Variants in B3GNT2 observed in about 807,000 individuals in gnomAD.
The protein encoded by B3GNT2 is N-acetyllactosaminide beta-1,3-N-acetylglucosaminyltransferase 2.
B3GNT2 carries 12 observed loss-of-function variants against 27.6 expected under a neutral mutation model. That is an observed-to-expected ratio of 0.44 (90% confidence interval 0.28 to 0.71). B3GNT2 has a LOEUF of 0.71. Among genes scored for constraint, B3GNT2 ranks in the 30% least tolerant of loss-of-function variants. The probability of loss-of-function intolerance (pLI) is 0.17; values close to 1 mark genes in which losing one functional copy is unlikely to be tolerated. For missense variants in B3GNT2, 413 were observed against 488.5 expected (o/e 0.85, Z 1.46); for synonymous variants, 192 against 189.7 (o/e 1.01, Z -0.10).
At chr2:62,204,079 C>T (rs1463103416) in intron 1 of B3GNT2, among the ~76,000 whole-genome samples, 13 of 152,090 alleles carry the variant, frequency 8.5e-5, no homozygotes, top group Admixed American at 6.6e-4. Flanking sequence ...CAGGCCGGAG[C>T]GCAATGGCAT....
At chr2:62,221,843 G>A (rs1674701556) in intron 1 of B3GNT2, 1 of 525,996 alleles carries the variant, frequency 1.9e-6, no homozygotes, top group Admixed American at 1.9e-5. Context: ...AAGCAAGGAA[G>A]TTGAACTCTC....
At chr2:62,203,424 A>G (rs1049548524) in intron 1 of B3GNT2, among the ~76,000 whole-genome samples, 1 of 152,126 alleles carries the variant, frequency 6.6e-6, no homozygotes, top group Non-Finnish European at 1.5e-5. Context: ...AAGACCCAGC[A>G]ATAGACTTGG....
intron 1 of B3GNT2, among the ~76,000 whole-genome samples, chr2:62,213,292 T>G (rs1279752523): frequency 6.6e-6 from 1 of 152,128 alleles, no homozygotes; most frequent in African/African-American, 2.4e-5. Flanking sequence ...GGAGACCCTG[T>G]CTCAAAAACA....
In B3GNT2 at chr2:62,222,640, G is replaced by A; in HGVS notation, c.420G>A (p.Lys140=). The A allele has an allele frequency of 6.2e-7, 1 of 1,614,234 alleles. No individual in the cohort carries two copies. Among genetic ancestry groups the A allele is most frequent in the South Asian group, 1.1e-5 (1 of 91,080 alleles). ...TAGATCAGCCGGATAAGTGTGCAAA[G>A]AAACCTTTCTTGTTGCTGGCGATTA... The part of the protein sequence containing the change: ...LLIDQPDKCA[K]KPFLLLAIKS... The change falls in exon 2 of 2, where the codon AAG becomes AAA. Residue 140 remains lysine, a synonymous_variant. Coordinates refer to ENST00000301998, the MANE Select transcript of B3GNT2 (RefSeq NM_006577.6). This position sits in a 1 kb window ranked among gnomAD's most constrained non-coding sequence, Gnocchi z 4.2.
intron 1 of B3GNT2, among the ~76,000 whole-genome samples, chr2:62,218,797 G>A (rs1484811090): frequency 1.3e-5 from 2 of 152,262 alleles, no homozygotes; most frequent in East Asian, 1.9e-4. Context: ...AATGCCCTGC[G>A]GGCTGGAGGC....
At chr2:62,205,985 C>A (rs184236090) in intron 1 of B3GNT2, 90 of 154,366 alleles carry the variant, frequency 5.8e-4, no homozygotes, top group Non-Finnish European at 1.1e-3. Flanking sequence ...TCAAGGCTGT[C>A]CTCATGGAAG....
intron 1 of B3GNT2, among the ~76,000 whole-genome samples, chr2:62,202,307 A>T (rs906984641): frequency 1.3e-5 from 2 of 152,210 alleles, no homozygotes; most frequent in Non-Finnish European, 2.9e-5. Context: ...GTCTTGAAGG[A>T]TGTGAATAAC....
At chr2:62,212,193 TG>T (rs1674492725) in intron 1 of B3GNT2, among the ~76,000 whole-genome samples, 1 of 152,204 alleles carries the variant, frequency 6.6e-6, no homozygotes. Context: ...TTTTTCTTCC[TG>T]ATTTCATATG....
intron 1 of B3GNT2, chr2:62,205,852 G>GCTCTCCTGGCT (rs1674361138): frequency 1.3e-5 from 2 of 154,204 alleles, no homozygotes; most frequent in Admixed American, 6.5e-5. Flanking sequence ...GGCTCACCTG[G>GCTCTCCTGGCT]AACCATTTCT....
chr2:62,202,086 A>C (rs560624610), intron 1 of B3GNT2, among the ~76,000 whole-genome samples: 1 of 152,324 alleles, frequency 6.6e-6, no homozygotes, highest in South Asian at 2.1e-4. Context: ...TGTTTGGTGA[A>C]GTGAGCAGTT....
chr2:62,207,254 A>G (rs952005656), intron 1 of B3GNT2, among the ~76,000 whole-genome samples: 2 of 151,892 alleles, frequency 1.3e-5, no homozygotes, highest in African/African-American at 2.4e-5. Flanking sequence ...ATCTGGGTAC[A>G]CCGCAACCTC....
rs1674778866 is a variant in B3GNT2, at chr2:62,224,112, G to C, written c.*698G>C. 1 of 167,046 alleles carries C rather than the reference G, an allele frequency of 6.0e-6. No homozygotes were observed. The highest frequency in any genetic ancestry group is 2.1e-4 in the South Asian group (1 of 4,836). 10.3% of individuals were successfully genotyped at this position (167,046 alleles called of 1,614,324 possible). ...TATTTGGTTTCCTGGTGGTATCATA[G>C]TGTAATTTTAGTATTTGAAAATCAG... On this transcript the variant is annotated 3_prime_UTR_variant, in exon 2 of 2. Coordinates refer to ENST00000301998, the MANE Select transcript of B3GNT2 (RefSeq NM_006577.6).
intron 1 of B3GNT2, among the ~76,000 whole-genome samples, chr2:62,215,973 G>C (rs974158139): frequency 6.6e-6 from 1 of 152,220 alleles, no homozygotes; most frequent in Non-Finnish European, 1.5e-5. Context: ...CCTTGGCACA[G>C]GTCTTGGGTC....
At chr2:62,201,568 A>G (rs1674265053) in intron 1 of B3GNT2, among the ~76,000 whole-genome samples, 1 of 152,246 alleles carries the variant, frequency 6.6e-6, no homozygotes, top group African/African-American at 2.4e-5. Flanking sequence ...GTATTACATA[A>G]TTCCATGGCC....
intron 1 of B3GNT2, among the ~76,000 whole-genome samples, chr2:62,202,179 G>A (rs1425584792): frequency 1.3e-5 from 2 of 152,268 alleles, no homozygotes; most frequent in East Asian, 1.9e-4. Context: ...GCTGCCTTCA[G>A]TGGGCAGTGT....
chr2:62,218,592 C>T (rs551126036), intron 1 of B3GNT2, among the ~76,000 whole-genome samples: 5 of 152,228 alleles, frequency 3.3e-5, no homozygotes, highest in African/African-American at 1.2e-4. Flanking sequence ...TTGACCTGGT[C>T]CAGGTAACTA....
At chr2:62,207,861 A>G (rs1195402950) in intron 1 of B3GNT2, among the ~76,000 whole-genome samples, 1 of 152,164 alleles carries the variant, frequency 6.6e-6, no homozygotes, top group Non-Finnish European at 1.5e-5. Context: ...GACCCCTGCC[A>G]TAGATTATTC....
At chr2:62,221,967 T>C (rs1674704145) in intron 1 of B3GNT2, 1 of 565,864 alleles carries the variant, frequency 1.8e-6, no homozygotes, top group African/African-American at 1.9e-5. Context: ...TAACATCATA[T>C]ACTCACAACC....
chr2:62,212,213 C>T (rs1006975675), intron 1 of B3GNT2, among the ~76,000 whole-genome samples: 2 of 152,116 alleles, frequency 1.3e-5, no homozygotes, highest in East Asian at 1.9e-4. Flanking sequence ...TGTGTGCATG[C>T]GCATGCTTTT....
Sources: allele counts gnomAD v4.1 joint callset (sites outside exome capture counted in the v4.1 genomes callset), GRCh38; gene constraint gnomAD v4.1.1; non-coding constraint Gnocchi (gnomAD v3.1); transcripts MANE v1.5; gene names NCBI Gene and HGNC (gene_info 2026-07-23, HGNC 2026-07-21).